FKBP5: variants seen among roughly 807,000 people sequenced by gnomAD.
The protein encoded by FKBP5 is FKBP prolyl isomerase 5, also known as peptidyl-prolyl cis-trans isomerase FKBP5.
Under a neutral mutation model 50.5 loss-of-function variants are expected in FKBP5, and 23 were observed. The ratio of observed to expected loss-of-function variants is 0.46; its 90% CI spans 0.33 to 0.65. FKBP5 has a LOEUF of 0.65. Ranked by LOEUF, FKBP5 falls within the 30% of genes least tolerant of loss-of-function variation. FKBP5 has a pLI of 0.02. For synonymous variants in FKBP5, 176 were observed against 190.6 expected, an observed-to-expected ratio of 0.92 and a Z score of 0.63; for missense variants, 411 against 553.1, an observed-to-expected ratio of 0.74 and a Z score of 2.58.
At chr6:35,577,648 A>G (rs1762264507) in intron 9 of FKBP5, among the ~76,000 whole-genome samples, 1 of 152,270 alleles carries the variant, frequency 6.6e-6, no homozygotes, top group South Asian at 2.1e-4. Context: ...TCATTCAGAA[A>G]CAGTCATGTG....
chr6:35,647,603 G>C (rs566976478), intron 1 of FKBP5, among the ~76,000 whole-genome samples: 44 of 152,336 alleles, frequency 2.9e-4, no homozygotes, highest in Middle Eastern at 6.8e-3. Context: ...AGAAGCTCTA[G>C]GTCTGGGGTC....
At position 35,718,044 on chromosome 6, in the gene FKBP5, C is replaced by CA. The variant is rs1766543380; in HGVS notation, c.-20+2283dup. Among the ~76,000 whole-genome samples, 3 of 152,166 alleles carry CA rather than the reference C, an allele frequency of 2.0e-5. No individual in the cohort carries two copies. In the South Asian group the frequency reaches 6.2e-4, roughly 32 times the overall value. On this transcript the variant is annotated intron_variant, in intron 2 of 11. Coordinates refer to the FKBP5 transcript ENST00000536438. The stretch of plus-strand genomic sequence containing the variant: ...GCTGTGCCCTAGGATGGGAGGGTTG[C>CA]AAAATGGAGGCAGCTCTGTCTCTGT...
At chr6:35,711,162 GA>G (rs1327266818) in intron 2 of FKBP5, among the ~76,000 whole-genome samples, 1 of 151,134 alleles carries the variant, frequency 6.6e-6, no homozygotes, top group Non-Finnish European at 1.5e-5. Flanking sequence ...TCTACAAAAA[GA>G]AAAAAAAGCC....
upstream of FKBP5, among the ~76,000 whole-genome samples, chr6:35,689,120 A>T (rs1173754524): frequency 6.6e-6 from 1 of 150,396 alleles, no homozygotes; most frequent in Non-Finnish European, 1.5e-5. Context: ...TTGCTCCTCC[A>T]CCTCCCCACG....
rs1347297234 is a variant in FKBP5, at chr6:35,629,286, TG to T, written c.250+7727del. Among the ~76,000 whole-genome samples the T allele has an allele frequency of 5.3e-5, 8 of 151,212 alleles. No individual in the cohort carries two copies. In the East Asian group the frequency reaches 9.8e-4, roughly 19 times the overall value. On this transcript the variant is annotated intron_variant, in intron 3 of 10. Coordinates refer to ENST00000357266, the MANE Select transcript of FKBP5 (RefSeq NM_004117.4). ...ACGCCTGGCTAATTTTTGTATTTTT[TG>T]TAGAGATGGGGTTTCACCATGTTGT...
At chr6:35,704,913 G>A (rs553966794) in intron 2 of FKBP5, among the ~76,000 whole-genome samples, 11 of 151,554 alleles carry the variant, frequency 7.3e-5, no homozygotes, top group East Asian at 5.9e-4. Flanking sequence ...AGGCCGAGGC[G>A]GGCGGATCAC....
chr6:35,688,485 C>A (rs1276005746), intron 1 of FKBP5, among the ~76,000 whole-genome samples: 4 of 151,846 alleles, frequency 2.6e-5, no homozygotes, highest in African/African-American at 9.7e-5. Flanking sequence ...CGACCCGCCT[C>A]GCCTCTGCCG....
In FKBP5 at chr6:35,668,478, C is replaced by T. The variant is rs373913601; in HGVS notation, c.-20+20326G>A. Among the ~76,000 whole-genome samples, 485 of 152,254 alleles carry T rather than the reference C, an allele frequency of 3.2e-3. 1 individual carries two copies. The highest frequency in any genetic ancestry group is 0.01 in the African/African-American group (422 of 41,532). ...TATTAAATTGATTATAATTAAGTGA[C>T]ATGTAATACAGCTAAAAATCCTTTT... On this transcript the variant is annotated intron_variant, in intron 1 of 10. Transcript: ENST00000357266.
intron 1 of FKBP5, among the ~76,000 whole-genome samples, chr6:35,728,255 A>AG (rs1472046407): frequency 6.6e-6 from 1 of 152,158 alleles, no homozygotes; most frequent in Non-Finnish European, 1.5e-5. Context: ...GGCACTCGGC[A>AG]GCTCCCTGGA....
At chr6:35,611,331 T>C (rs1316093606) in intron 5 of FKBP5, among the ~76,000 whole-genome samples, 1 of 152,198 alleles carries the variant, frequency 6.6e-6, no homozygotes, top group Non-Finnish European at 1.5e-5. Flanking sequence ...CTGGAACCTG[T>C]AGAACACTCT....
intron 2 of FKBP5, among the ~76,000 whole-genome samples, chr6:35,701,575 C>T (rs1211803506): frequency 6.6e-6 from 1 of 151,378 alleles, no homozygotes; most frequent in Non-Finnish European, 1.5e-5. Flanking sequence ...GGGTCTCACT[C>T]TGTTGCAAGG....
At chr6:35,683,126 G>A (rs1328296337) in intron 1 of FKBP5, among the ~76,000 whole-genome samples, 10 of 19,488 alleles carry the variant, frequency 5.1e-4, no homozygotes, top group African/African-American at 8.9e-4. Context: ...GTATATGTGT[G>A]TGTGTGTGTG....
chr6:35,715,313 T>C (rs534296701), intron 2 of FKBP5, among the ~76,000 whole-genome samples: 23 of 152,336 alleles, frequency 1.5e-4, no homozygotes, highest in Non-Finnish European at 2.6e-4. Context: ...CTTAGGTCAA[T>C]TGGTTACTTC....
intron 2 of FKBP5, among the ~76,000 whole-genome samples, chr6:35,700,091 G>A (rs904460053): frequency 2.7e-4 from 41 of 152,098 alleles, no homozygotes; most frequent in African/African-American, 9.2e-4. Context: ...ACTTAACTAA[G>A]GAATTGTGTC....
chr6:35,619,722 C>T (rs750894306), intron 4 of FKBP5, among the ~76,000 whole-genome samples: 6 of 152,164 alleles, frequency 3.9e-5, no homozygotes, highest in Non-Finnish European at 8.8e-5. Context: ...TCACCACCAA[C>T]GGCTTCTAGA....
Position 35,625,563 on chromosome 6 carries a change from C to T in FKBP5, c.251-5289G>A, listed in dbSNP as rs1033367504. ...CATCCTGGCTAACACGGTGAAATCC[C>T]GTCTCTACTAAAAATACAAAAAATT... is the stretch of plus-strand genomic sequence containing the variant. On this transcript the variant is annotated intron_variant, in intron 3 of 10. Coordinates refer to ENST00000357266, the MANE Select transcript of FKBP5 (RefSeq NM_004117.4). Among the ~76,000 whole-genome samples the T allele has an allele frequency of 1.8e-3, 265 of 150,378 alleles. 2 individuals carry two copies. The highest frequency in any genetic ancestry group is 2.4e-3 in the Non-Finnish European group (162 of 67,620).
chr6:35,699,465 C>T (rs1766140657), intron 2 of FKBP5, among the ~76,000 whole-genome samples: 1 of 152,190 alleles, frequency 6.6e-6, no homozygotes, highest in Admixed American at 6.5e-5. Context: ...ACCAAGGTTA[C>T]TCTCTATCAC....
chr6:35,642,806 C>G lies in FKBP5; in HGVS notation c.19G>C (p.Ala7Pro). The G allele has an allele frequency of 6.2e-7, 1 of 1,613,732 alleles. No individual in the cohort carries two copies. The highest frequency in any genetic ancestry group is 8.5e-7 in the Non-Finnish European group (1 of 1,179,870). ...GTGGGGCTTTCTTCATTGTTCTTGGCACCTTCATCAGTAGTCATTGTCTTT... is the reference window on the plus strand; with the variant it reads ...GTGGGGCTTTCTTCATTGTTCTTGGGACCTTCATCAGTAGTCATTGTCTTT... The part of the protein sequence containing the change: MTTDEG[A>P]KNNEESPTAT... The change falls in exon 2 of 11, where the codon GCC (alanine) becomes CCC (proline). Residue 7 changes from alanine (A) to proline (P), a missense_variant. Physicochemically the swap from Ala to Pro is conservative, Grantham distance 27. Coordinates refer to ENST00000357266, the MANE Select transcript of FKBP5 (RefSeq NM_004117.4).
At chr6:35,588,594 A>G (rs978265839) in intron 7 of FKBP5, among the ~76,000 whole-genome samples, 3 of 150,382 alleles carry the variant, frequency 2.0e-5, no homozygotes, top group Non-Finnish European at 4.4e-5. Flanking sequence ...TTGAGACAGG[A>G]TACTCTTTTA....
Sources: allele counts gnomAD v4.1 joint callset (sites outside exome capture counted in the v4.1 genomes callset), GRCh38; gene constraint gnomAD v4.1.1; transcripts MANE v1.5; gene names NCBI Gene and HGNC (gene_info 2026-07-23, HGNC 2026-07-21).